The following HS6ST2 variants were observed in gnomAD, a reference collection of about 807,000 sequenced individuals.
The protein encoded by HS6ST2 is heparan-sulfate 6-O-sulfotransferase 2.
HS6ST2 carries 17 observed loss-of-function variants against 33.0 expected under a neutral mutation model. That is an observed-to-expected ratio of 0.52 (90% CI 0.35 to 0.77). The LOEUF (loss-of-function observed/expected upper bound fraction) is 0.77, where lower values mean the gene tolerates loss of function less well. Among genes scored for constraint, HS6ST2 ranks in the 30% least tolerant of loss-of-function variants. HS6ST2 has a pLI of 0.01. For synonymous variants in HS6ST2, 248 were observed against 237.1 expected, an observed-to-expected ratio of 1.05 and a Z score of -0.42; for missense variants, 519 against 551.7, an observed-to-expected ratio of 0.94 and a Z score of 0.59.
intron 3 of HS6ST2, among the ~76,000 whole-genome samples, chrX:132,704,994 G>T (rs769529646): frequency 8.9e-6 from 1 of 111,826 alleles, no homozygotes; most frequent in Non-Finnish European, 1.9e-5. Context: ...GTTAGCCTGG[G>T]GCTCCGGAAT....
intron 2 of HS6ST2, among the ~76,000 whole-genome samples, chrX:132,895,749 G>A (rs957495295): frequency 3.6e-5 from 4 of 110,331 alleles, no homozygotes; most frequent in Non-Finnish European, 7.6e-5. Flanking sequence ...CCTCTCACTG[G>A]TATCAATCAT....
intron 4 of HS6ST2, among the ~76,000 whole-genome samples, chrX:132,630,326 C>T (rs1329929774): frequency 3.6e-5 from 4 of 112,361 alleles, no homozygotes; most frequent in African/African-American, 1.3e-4. Context: ...TTGTTCTCTA[C>T]ACATACATGA....
At chrX:132,782,513 G>C (rs2065024907) in intron 2 of HS6ST2, among the ~76,000 whole-genome samples, 1 of 111,621 alleles carries the variant, frequency 9.0e-6, no homozygotes, top group Admixed American at 9.5e-5. Context: ...TAGATGAGTG[G>C]GTGAGGGAAA....
rs369575371 is a variant in HS6ST2 at position 132,956,992 on chromosome X, G to A, written c.763C>T (p.Pro255Ser). The part of the protein sequence containing the change: ...HLVRNIQLEQ[P>S]CECRVGQKKC... ...TTCTGACCCACGCGGCACTCGCACGGCTGCTCCAGCTGGATGTTACGCACC... is the reference window on the plus strand; with the variant it reads ...TTCTGACCCACGCGGCACTCGCACGACTGCTCCAGCTGGATGTTACGCACC... The change falls in exon 2 of 5, where the codon CCG (proline) becomes TCG (serine). Residue 255 changes from proline to serine, a missense_variant. Physicochemically the swap from Pro to Ser is moderately conservative, Grantham distance 74. Transcript: ENST00000370833. The A allele has an allele frequency of 5.0e-5, 60 of 1,210,027 alleles. No individual in the cohort carries two copies. The highest frequency in any genetic ancestry group is 6.1e-5 in the Non-Finnish European group (55 of 894,972).
At chrX:132,698,363 C>A (rs776571848) in intron 3 of HS6ST2, among the ~76,000 whole-genome samples, 1 of 111,866 alleles carries the variant, frequency 8.9e-6, no homozygotes, top group Non-Finnish European at 1.9e-5. Flanking sequence ...AGCTAAAGTA[C>A]ATTTGCCAAT....
intron 4 of HS6ST2, among the ~76,000 whole-genome samples, chrX:132,662,847 G>A (rs753139246): frequency 8.0e-5 from 9 of 111,869 alleles, no homozygotes; most frequent in African/African-American, 2.6e-4. Flanking sequence ...TTGTTATTAT[G>A]GTGCTGGGGC....
chrX:132,696,561 T>A (rs1427503241), intron 3 of HS6ST2, among the ~76,000 whole-genome samples: 2 of 112,053 alleles, frequency 1.8e-5, no homozygotes, highest in African/African-American at 6.5e-5. Context: ...TCTCTTTATC[T>A]CTGCATTTCT....
intron 2 of HS6ST2, among the ~76,000 whole-genome samples, chrX:132,941,690 C>A (rs1377467289): frequency 8.9e-6 from 1 of 112,078 alleles, no homozygotes; most frequent in Admixed American, 9.5e-5. Context: ...TTTATAACTT[C>A]ATAAACATAT....
chrX:132,792,281 T>C (rs186783392), intron 2 of HS6ST2, among the ~76,000 whole-genome samples: 2 of 111,935 alleles, frequency 1.8e-5, no homozygotes, highest in Non-Finnish European at 3.8e-5. Context: ...ATGGCATCAA[T>C]GCTCTTCAAG....
chrX:132,663,225 C>A (rs2063786322), intron 4 of HS6ST2, among the ~76,000 whole-genome samples: 1 of 112,530 alleles, frequency 8.9e-6, no homozygotes, highest in Non-Finnish European at 1.9e-5. Context: ...TTTGCCACAG[C>A]TGACTAGCAC....
intron 2 of HS6ST2, among the ~76,000 whole-genome samples, chrX:132,900,006 A>C (rs1181983513): frequency 2.7e-5 from 3 of 111,940 alleles, no homozygotes; most frequent in Non-Finnish European, 5.6e-5. Flanking sequence ...GAGCAGTCTG[A>C]GAAAATTACT....
intron 2 of HS6ST2, among the ~76,000 whole-genome samples, chrX:132,789,701 A>G (rs1432921096): frequency 1.8e-5 from 2 of 112,462 alleles, no homozygotes; most frequent in Non-Finnish European, 3.7e-5. Flanking sequence ...TTGTAATTCA[A>G]TGGAGGAGGT....
At chrX:132,876,221 T>C (rs751274914) in intron 2 of HS6ST2, among the ~76,000 whole-genome samples, 2 of 111,295 alleles carry the variant, frequency 1.8e-5, no homozygotes, top group Admixed American at 1.9e-4. Flanking sequence ...TGTGTGAGAA[T>C]GGAAGGCTTA....
chrX:132,799,899 T>C (rs1007714182), intron 2 of HS6ST2, among the ~76,000 whole-genome samples: 1 of 112,239 alleles, frequency 8.9e-6, no homozygotes, highest in Non-Finnish European at 1.9e-5. Context: ...TAATGATTTA[T>C]CTGCTTCTCT....
At chrX:132,819,164 T>G (rs1409077854) in intron 2 of HS6ST2, among the ~76,000 whole-genome samples, 2 of 110,962 alleles carry the variant, frequency 1.8e-5, no homozygotes, top group Non-Finnish European at 3.8e-5. Flanking sequence ...TAGGCCATTA[T>G]GAAAGATTTA....
At chrX:132,659,877 G>A (rs1448520285) in intron 4 of HS6ST2, among the ~76,000 whole-genome samples, 1 of 111,789 alleles carries the variant, frequency 8.9e-6, no homozygotes, top group Non-Finnish European at 1.9e-5. Flanking sequence ...CACACAGAAA[G>A]TACTCAATAA....
At chrX:132,854,489 G>A (rs2065833722) in intron 2 of HS6ST2, among the ~76,000 whole-genome samples, 1 of 112,347 alleles carries the variant, frequency 8.9e-6, no homozygotes, top group Admixed American at 9.4e-5. Context: ...TCTCTGCCCT[G>A]CTGGGCAGAA....
intron 2 of HS6ST2, among the ~76,000 whole-genome samples, chrX:132,807,264 G>A (rs1412242263): frequency 1.8e-5 from 2 of 110,471 alleles, no homozygotes; most frequent in Non-Finnish European, 3.8e-5. Flanking sequence ...TGTGAATACA[G>A]TGGCTCCAAA....
intron 4 of HS6ST2, among the ~76,000 whole-genome samples, chrX:132,663,476 G>A (rs1426097908): frequency 8.9e-6 from 1 of 112,109 alleles, no homozygotes; most frequent in African/African-American, 3.2e-5. Context: ...GCCATCTTTA[G>A]GAATACATTC....
Sources: allele counts gnomAD v4.1 joint callset (sites outside exome capture counted in the v4.1 genomes callset), GRCh38; gene constraint gnomAD v4.1.1; transcripts MANE v1.5; gene names NCBI Gene and HGNC (gene_info 2026-07-23, HGNC 2026-07-21).